ANKRD27: variants seen among roughly 807,000 people sequenced by gnomAD.
ANKRD27 encodes ankyrin repeat domain 27.
ANKRD27 carries 112 observed loss-of-function variants against 129.7 expected under a neutral mutation model. The observed-to-expected ratio is 0.86, with a 90% CI of 0.74 to 1.01. The LOEUF (loss-of-function observed/expected upper bound fraction) is 1.01, where lower values mean the gene tolerates loss of function less well. Ranked by LOEUF, ANKRD27 falls within the 50% of genes least tolerant of loss-of-function variation. The pLI is 0.00. For missense variants in ANKRD27, 1,258 were observed against 1,300.5 expected (o/e 0.97, Z 0.50); for synonymous variants, 516 against 511.2 (o/e 1.01, Z -0.13).
At chr19:32,672,959 G>A (rs141462045) in intron 1 of ANKRD27, 1 of 152,282 alleles carries the variant, frequency 6.6e-6, no homozygotes, top group African/African-American at 2.4e-5. Flanking sequence ...TCTATGAGAG[G>A]ATGGAGTCAT....
At chr19:32,665,843 C>T (rs1368490706) in intron 1 of ANKRD27, among the ~76,000 whole-genome samples, 1 of 152,014 alleles carries the variant, frequency 6.6e-6, no homozygotes, top group African/African-American at 2.4e-5. Context: ...CTCACTGCAA[C>T]CTCTGCTTCC....
chr19:32,652,416 C>G (rs1029229171), intron 2 of ANKRD27, among the ~76,000 whole-genome samples: 1 of 151,210 alleles, frequency 6.6e-6, no homozygotes, highest in African/African-American at 2.4e-5. Flanking sequence ...ACGGTGAAAC[C>G]ACGTCTCTAC....
intron 12 of ANKRD27, chr19:32,638,712 G>T (rs1967137072): frequency 6.6e-6 from 1 of 152,624 alleles, no homozygotes; most frequent in African/African-American, 2.4e-5. Context: ...GCGGCCTACA[G>T]TACGCCTGCT....
rs1438568665 is a variant in ANKRD27, at chr19:32,597,202, C to G, written c.*943G>C. The G allele has an allele frequency of 6.8e-6, 1 of 146,630 alleles. No homozygotes were observed. Among genetic ancestry groups the G allele is most frequent in the East Asian group, 2.2e-4 (1 of 4,612 alleles). 9.1% of individuals were successfully genotyped at this position (146,630 alleles called of 1,614,324 possible). On this transcript the variant is annotated 3_prime_UTR_variant, in exon 29 of 29. Coordinates refer to ENST00000306065, the MANE Select transcript of ANKRD27 (RefSeq NM_032139.3). ...CATTTGAAAACGGACTCAGGACAAA[C>G]CCATATACGTGTAGCTCTAGGCCAA...
At chr19:32,657,355 A>C (rs1382198864) in intron 2 of ANKRD27, among the ~76,000 whole-genome samples, 1 of 151,928 alleles carries the variant, frequency 6.6e-6, no homozygotes, top group Non-Finnish European at 1.5e-5. Flanking sequence ...CCAGCTACTC[A>C]GGAGACTCAG....
chr19:32,660,742 A>C (rs1352817002), intron 1 of ANKRD27, among the ~76,000 whole-genome samples: 2 of 152,120 alleles, frequency 1.3e-5, no homozygotes, highest in Non-Finnish European at 2.9e-5. Flanking sequence ...GTCTATGAGT[A>C]TAAAGCCATA....
At chr19:32,669,995 CAA>C (rs11361912) in intron 1 of ANKRD27, among the ~76,000 whole-genome samples, 9 of 76,394 alleles carry the variant, frequency 1.2e-4, no homozygotes, top group South Asian at 5.2e-4. Flanking sequence ...GATCCCGTCA[CAA>C]AAAAAAAAAA....
In ANKRD27 at chr19:32,605,936, C is replaced by G. The variant is rs746882374; in HGVS notation, c.2392G>C (p.Asp798His). Residue 798 changes from aspartate to histidine, a missense_variant, in exon 24 of 29, where the codon GAT becomes CAT. Coordinates refer to ENST00000306065, the MANE Select transcript of ANKRD27 (RefSeq NM_032139.3). ...TTCTTATTGGGTTTTGCATTCGAATCTAACAGACACTTCACCACCTGGGCC... is the reference window on the plus strand; with the variant it reads ...TTCTTATTGGGTTTTGCATTCGAATGTAACAGACACTTCACCACCTGGGCC... ...GHFQVVKCLL[D>H]SNAKPNKKDL... is the part of the protein sequence containing the mutation. 2 of 1,613,868 alleles carry G rather than the reference C, an allele frequency of 1.2e-6. No homozygotes were observed. Among genetic ancestry groups the G allele is most frequent in the East Asian group, 4.5e-5 (2 of 44,864 alleles).
In ANKRD27 at chr19:32,605,837, G is replaced by A. The variant is rs1162929151; in HGVS notation, c.2491C>T (p.Gln831Ter). 2 of 1,613,094 alleles carry A rather than the reference G, an allele frequency of 1.2e-6. No individual in the cohort carries two copies. Among genetic ancestry groups the A allele is most frequent in the Non-Finnish European group, 1.7e-6 (2 of 1,179,614 alleles). The change falls in exon 24 of 29, where the codon CAG (glutamine) becomes TAG (stop). Residue 831 changes from glutamine to a stop codon, truncating the protein, a stop_gained and splice_region_variant. Transcript: ENST00000306065. LOFTEE classifies it high-confidence loss of function. ...TGAGGACAGGAAGGGGCCCTCACCT[G>A]TAGCAGCAGTGCCACAAGCTCGTGA... ...GHHELVALLL[Q>*]HGASINASNN...
chr19:32,649,646 T>A, intron 3 of ANKRD27, 36 bp downstream of exon 3: 1 of 1,418,278 alleles, frequency 7.1e-7, no homozygotes, highest in South Asian at 1.1e-5. Context: ...AAACACCGAG[T>A]AGGTGACCCT....
At chr19:32,644,047 G>A (rs1406831608) in intron 5 of ANKRD27, among the ~76,000 whole-genome samples, 1 of 151,596 alleles carries the variant, frequency 6.6e-6, no homozygotes, top group African/African-American at 2.4e-5. Flanking sequence ...GCTAATTTTT[G>A]TATTTTCTGT....
chr19:32,599,596 G>A (rs548571271), intron 28 of ANKRD27, 108 bp downstream of exon 28: 72 of 962,958 alleles, frequency 7.5e-5, no homozygotes, highest in African/African-American at 1.1e-4. Context: ...CTCATACGGC[G>A]CACGGAATAA....
intron 12 of ANKRD27, among the ~76,000 whole-genome samples, chr19:32,635,889 G>A (rs1006684245): frequency 6.6e-6 from 1 of 152,168 alleles, no homozygotes; most frequent in South Asian, 2.1e-4. Flanking sequence ...CAAGTCACGT[G>A]GAGGCAGAGG....
intron 3 of ANKRD27, among the ~76,000 whole-genome samples, chr19:32,648,877 A>T (rs1475060885): frequency 6.6e-6 from 1 of 152,076 alleles, no homozygotes; most frequent in Non-Finnish European, 1.5e-5. Flanking sequence ...AAGAATGTTA[A>T]CAGCTTGGGG....
At chr19:32,674,808 G>A (rs865801009) in intron 1 of ANKRD27, among the ~76,000 whole-genome samples, 9 of 152,158 alleles carry the variant, frequency 5.9e-5, no homozygotes, top group African/African-American at 1.9e-4. Context: ...GGCTCGGAGG[G>A]TGCATTCTCC....
intron 10 of ANKRD27, among the ~76,000 whole-genome samples, chr19:32,640,729 C>A (rs1290569633): frequency 6.6e-6 from 1 of 152,040 alleles, no homozygotes; most frequent in African/African-American, 2.4e-5. Flanking sequence ...TAGCAAGACC[C>A]CCACCTCTAC....
chr19:32,626,355 G>A (rs1469761471), intron 16 of ANKRD27, among the ~76,000 whole-genome samples: 1 of 152,036 alleles, frequency 6.6e-6, no homozygotes, highest in Non-Finnish European at 1.5e-5. Flanking sequence ...ATATTTTTTG[G>A]TAGAGATAGG....
At position 32,643,422 on chromosome 19, in the gene ANKRD27, C is replaced by T; in HGVS notation, c.639+9G>A. The T allele has an allele frequency of 1.9e-6, 3 of 1,613,918 alleles. No individual in the cohort carries two copies. The highest frequency in any genetic ancestry group is 2.5e-6 in the Non-Finnish European group (3 of 1,180,016). On this transcript the variant is annotated intron_variant, in intron 7 of 28. Coordinates refer to ENST00000306065, the MANE Select transcript of ANKRD27 (RefSeq NM_032139.3). ...GGTGTGCCTCCCAGCCACTCCGCCC[C>T]ACCCTCACCTCCACTGCCTGCTTCA...
Position 32,604,345 on chromosome 19 carries a change from A to G in ANKRD27, c.2573T>C (p.Val858Ala). 2 of 1,613,946 alleles carry G rather than the reference A, an allele frequency of 1.2e-6. No homozygotes were observed. Among genetic ancestry groups the G allele is most frequent in the Non-Finnish European group, 1.7e-6 (2 of 1,179,860 alleles). ...HEAVIEKHVF[V>A]VELLLLHGAS... is the part of the protein sequence containing the mutation. ...TCCGTGGAGCAGAAGCAGCTCTACC[A>G]CGAAGACGTGCTTTTCAATCACAGC... is the stretch of plus-strand genomic sequence containing the variant. The change falls in exon 25 of 29, where the codon GTG (valine) becomes GCG (alanine). Residue 858 changes from valine (V) to alanine (A), a missense_variant. By Grantham distance (64) the Val-to-Ala change is moderately conservative. Coordinates refer to ENST00000306065, the MANE Select transcript of ANKRD27 (RefSeq NM_032139.3).
Sources: gnomAD v4.1 joint callset for allele counts (sites outside exome capture counted in the v4.1 genomes callset) on GRCh38, gnomAD v4.1.1 for gene constraint, MANE v1.5 for transcripts, NCBI Gene and HGNC (gene_info 2026-07-23, HGNC 2026-07-21) for gene names.